The following FBXL5 variants were observed in gnomAD, a reference collection of about 807,000 sequenced individuals.
The protein encoded by FBXL5 is F-box and leucine rich repeat protein 5.
In FBXL5, 26 loss-of-function variants were observed where a neutral mutation model predicts 78.3. The observed-to-expected ratio is 0.33, with a 90% CI of 0.24 to 0.46. The LOEUF (loss-of-function observed/expected upper bound fraction) is 0.46, where lower values mean the gene tolerates loss of function less well. Ranked by LOEUF, FBXL5 falls within the 20% of genes least tolerant of loss-of-function variation. The probability of loss-of-function intolerance (pLI) is 1.00; values close to 1 mark genes in which losing one functional copy is unlikely to be tolerated. For synonymous variants in FBXL5, 295 were observed against 282.5 expected (o/e 1.04, Z -0.45); for missense variants, 710 against 829.2 (o/e 0.86, Z 1.77).
At chr4:15,614,533 C>G (rs1711572832) in intron 9 of FBXL5, among the ~76,000 whole-genome samples, 1 of 152,018 alleles carries the variant, frequency 6.6e-6, no homozygotes, top group Admixed American at 6.6e-5. Context: ...ATAGAGCTCC[C>G]AAGAGATTAT....
chr4:15,624,294 T>G (rs1220220797), intron 9 of FBXL5, among the ~76,000 whole-genome samples: 3 of 152,204 alleles, frequency 2.0e-5, no homozygotes, highest in African/African-American at 7.2e-5. Flanking sequence ...CAGTTTCCAC[T>G]TATTGAAAAT....
chr4:15,620,742 G>C (rs1712388789), intron 9 of FBXL5, among the ~76,000 whole-genome samples: 1 of 152,250 alleles, frequency 6.6e-6, no homozygotes, highest in South Asian at 2.1e-4. Context: ...GCCCAAGCTG[G>C]AAGGTCGGGG....
intron 10 of FBXL5, among the ~76,000 whole-genome samples, chr4:15,606,585 G>GA (rs1216141199): frequency 5.3e-5 from 8 of 152,262 alleles, no homozygotes; most frequent in Non-Finnish European, 1.0e-4. Context: ...CTGAATGAAT[G>GA]ATATTTTCAT....
At chr4:15,658,198 A>G (rs910308504), upstream of FBXL5, among the ~76,000 whole-genome samples, 2 of 152,214 alleles carry the variant, frequency 1.3e-5, no homozygotes, top group Non-Finnish European at 2.9e-5. Context: ...CACTTTCCCT[A>G]ATAGGGGATT....
intron 2 of FBXL5, among the ~76,000 whole-genome samples, chr4:15,643,461 C>T (rs1715091062): frequency 6.6e-6 from 1 of 152,338 alleles, no homozygotes; most frequent in South Asian, 2.1e-4. Context: ...ACATCATTAT[C>T]CTAAACTATA....
At chr4:15,639,731 T>A (rs1714645227) in intron 3 of FBXL5, among the ~76,000 whole-genome samples, 1 of 152,200 alleles carries the variant, frequency 6.6e-6, no homozygotes, top group African/African-American at 2.4e-5. Context: ...CCTGAAAAAA[T>A]ACCCAGGTCA....
At chr4:15,677,336 TAGG>T (rs1431172743) in intron 1 of FBXL5, among the ~76,000 whole-genome samples, 10 of 152,336 alleles carry the variant, frequency 6.6e-5, no homozygotes, top group Non-Finnish European at 5.9e-5. Context: ...AATTTCCTAA[TAGG>T]AGGTGTCTTT....
In FBXL5 at chr4:15,655,294, T is replaced by TGCCTCA. The variant is rs1716753448; in HGVS notation, c.-13_-8dup. ...CTTCAGGAAAGGGCGCCATCGCCACTGCCTCAGCCTCCGCCTCAGCAGCCG... is the reference window on the plus strand; with the variant it reads ...CTTCAGGAAAGGGCGCCATCGCCACTGCCTCAGCCTCAGCCTCCGCCTCAGCAGCCG... On this transcript the variant is annotated 5_prime_UTR_variant, in exon 1 of 11. Coordinates refer to ENST00000341285, the MANE Select transcript of FBXL5 (RefSeq NM_012161.4). 4.3e-6 allele frequency: 6 copies of TGCCTCA among 1,406,364 alleles called. No individual in the cohort carries two copies. Among genetic ancestry groups the TGCCTCA allele is most frequent in the Non-Finnish European group, 5.7e-6 (6 of 1,057,458 alleles). 87.1% of individuals were successfully genotyped at this position (1,406,364 alleles called of 1,614,324 possible). A position where few individuals can be genotyped will look rare whatever the true frequency, so the allele number is the denominator to read the frequency against.
At chr4:15,647,222 C>CAAAAAAAA (rs112736448) in intron 1 of FBXL5, among the ~76,000 whole-genome samples, 7 of 36,482 alleles carry the variant, frequency 1.9e-4, no homozygotes, top group African/African-American at 2.3e-4. Context: ...GACTCCATCT[C>CAAAAAAAA]AAAAAAAAAA....
At chr4:15,634,475 C>A (rs1044349008) in intron 5 of FBXL5, among the ~76,000 whole-genome samples, 1 of 151,836 alleles carries the variant, frequency 6.6e-6, no homozygotes, top group Non-Finnish European at 1.5e-5. Flanking sequence ...AAGCAATTCT[C>A]CCTGCCTCAG....
intron 1 of FBXL5, among the ~76,000 whole-genome samples, chr4:15,667,082 A>G (rs1717579477): frequency 6.6e-6 from 1 of 152,218 alleles, no homozygotes; most frequent in Non-Finnish European, 1.5e-5. Flanking sequence ...ATTTGTACCC[A>G]TTACAAATTG....
At chr4:15,672,870 CA>C (rs1242695044) in intron 1 of FBXL5, among the ~76,000 whole-genome samples, 1 of 151,946 alleles carries the variant, frequency 6.6e-6, no homozygotes, top group East Asian at 1.9e-4. Context: ...TACAGCTGTA[CA>C]AAAATATTTT....
At chr4:15,642,365 T>C (rs1234455009) in intron 2 of FBXL5, among the ~76,000 whole-genome samples, 1 of 151,982 alleles carries the variant, frequency 6.6e-6, no homozygotes. Context: ...CCTGAGTAGC[T>C]GGGACTACAG....
chr4:15,647,167 G>C (rs1471985742), intron 1 of FBXL5, among the ~76,000 whole-genome samples: 1 of 132,380 alleles, frequency 7.6e-6, no homozygotes, highest in Non-Finnish European at 1.5e-5. Flanking sequence ...AGGTTGCAGT[G>C]AGCCGAGATC....
At chr4:15,665,743 A>G (rs776932099) in intron 1 of FBXL5, among the ~76,000 whole-genome samples, 5 of 152,226 alleles carry the variant, frequency 3.3e-5, no homozygotes, top group Non-Finnish European at 5.9e-5. Flanking sequence ...TAGGATGAGA[A>G]TATCTGGCCC....
upstream of FBXL5, among the ~76,000 whole-genome samples, chr4:15,656,584 CTT>C (rs1425823093): frequency 3.3e-5 from 5 of 152,184 alleles, no homozygotes; most frequent in African/African-American, 1.2e-4. Flanking sequence ...TAGTTCTAAT[CTT>C]ATATTACTAT....
upstream of FBXL5, chr4:15,656,459 C>A (rs181443017): frequency 6.7e-4 from 237 of 352,950 alleles, no homozygotes; most frequent in East Asian, 0.015. Flanking sequence ...CTGTGTTCAC[C>A]CTTGTTCTCT....
In FBXL5 at chr4:15,638,603, T is replaced by A; in HGVS notation, c.488A>T (p.Asp163Val). 1 of 1,613,510 alleles carries A rather than the reference T, an allele frequency of 6.2e-7. No homozygotes were observed. The highest frequency in any genetic ancestry group is 8.5e-7 in the Non-Finnish European group (1 of 1,179,544). ...KVIAQHCSQK[D>V]TAELLRGLSL... ...AAGACCTCTAAGGAGTTCTGCAGTA[T>A]CCTTCTGAGAGCAGTGTTGTGCAAT... Residue 163 changes from aspartate to valine, a missense_variant, in exon 4 of 11, where the codon GAT (aspartate) becomes GTT (valine). Asp to Val is a radical substitution (Grantham distance 152). Coordinates refer to ENST00000341285, the MANE Select transcript of FBXL5 (RefSeq NM_012161.4).
intron 1 of FBXL5, among the ~76,000 whole-genome samples, chr4:15,672,336 T>A (rs1362982468): frequency 6.6e-6 from 1 of 152,218 alleles, no homozygotes; most frequent in African/African-American, 2.4e-5. Context: ...ATGTGTTGCT[T>A]AATGACAGAG....
Sources: allele counts gnomAD v4.1 joint callset (sites outside exome capture counted in the v4.1 genomes callset), GRCh38; gene constraint gnomAD v4.1.1; transcripts MANE v1.5; gene names NCBI Gene and HGNC (gene_info 2026-07-23, HGNC 2026-07-21).